The following UGT2B17 variants were observed in gnomAD, a reference collection of about 807,000 sequenced individuals.
UGT2B17 encodes UDP glucuronosyltransferase family 2 member B17.
In UGT2B17, 21 loss-of-function variants were observed where a neutral mutation model predicts 48.2. That is an observed-to-expected ratio of 0.44 (90% confidence interval 0.31 to 0.63). The LOEUF is 0.63. Ranked by LOEUF, UGT2B17 falls within the 20% of genes least tolerant of loss-of-function variation. The pLI, the probability that UGT2B17 is intolerant of heterozygous loss-of-function variation, is 0.08. For synonymous variants in UGT2B17, 146 were observed against 238.4 expected (o/e 0.61, Z 3.57); for missense variants, 402 against 696.1 (o/e 0.58, Z 4.75).
intron 6 of UGT2B17, among the ~76,000 whole-genome samples, chr4:68,541,205 T>C (rs1260218674): frequency 7.9e-6 from 1 of 125,940 alleles, no homozygotes; most frequent in Non-Finnish European, 1.7e-5. Flanking sequence ...TGGTTCTAGA[T>C]CTTTGAGGAA....
rs1274690472 is a variant in UGT2B17, at chr4:68,546,228, T to C, written c.1313+4449A>G. On this transcript the variant is annotated intron_variant, in intron 6 of 6. Transcript: ENST00000317746. The stretch of plus-strand genomic sequence containing the variant: ...AGCACATCAAAAAGCTTATCCACCT[T>C]GACCAAGTGGGCTTCATCCCTGGGA... 2.4e-5 allele frequency among the ~76,000 whole-genome samples: 3 copies of C among 125,848 alleles called. 1 individual carries two copies. 82.6% of individuals were successfully genotyped at this position (125,848 alleles called of 152,430 possible). A position where few individuals can be genotyped will look rare whatever the true frequency, so the allele number is the denominator to read the frequency against.
chr4:68,562,022 A>C lies in UGT2B17; in HGVS notation c.874-1354T>G, dbSNP rs1398330794. On this transcript the variant is annotated intron_variant, in intron 3 of 6. Transcript: ENST00000317746. Reference sequence around the variant, plus strand: ...TTATAAAACTGTTTACGAATAAAAAAGGAAATTCTAAAATATGTCAATTCA... The same window carrying C: ...TTATAAAACTGTTTACGAATAAAAACGGAAATTCTAAAATATGTCAATTCA... Among the ~76,000 whole-genome samples the C allele has an allele frequency of 1.7e-4, 22 of 125,930 alleles. 4 individuals carry two copies. Among genetic ancestry groups the C allele is most frequent in the African/African-American group, 5.9e-4 (22 of 37,116 alleles). 82.6% of individuals were successfully genotyped at this position (125,930 alleles called of 152,430 possible). A position where few individuals can be genotyped will look rare whatever the true frequency, so the allele number is the denominator to read the frequency against.
chr4:68,539,753 C>T lies in UGT2B17; in HGVS notation c.1314-1849G>A, dbSNP rs111422071. 1.2e-4 allele frequency among the ~76,000 whole-genome samples: 14 copies of T among 115,916 alleles called. 3 individuals carry two copies. The highest frequency in any genetic ancestry group is 4.1e-4 in the African/African-American group (14 of 33,978). 76.0% of individuals were successfully genotyped at this position (115,916 alleles called of 152,430 possible). A position where few individuals can be genotyped will look rare whatever the true frequency, so the allele number is the denominator to read the frequency against. ...ATTTTTTTATGGCCCAGCATATGGT[C>T]AATTCCAGTAACTATTTCATACATA... On this transcript the variant is annotated intron_variant, in intron 6 of 6. Transcript: ENST00000317746.
intron 6 of UGT2B17, among the ~76,000 whole-genome samples, chr4:68,544,471 T>C (rs1730753820): frequency 8.0e-6 from 1 of 125,698 alleles, no homozygotes; most frequent in Admixed American, 8.1e-5. Context: ...GAACAACTGG[T>C]ACCAGCCACT....
At chr4:68,548,276 G>A (rs1257437529) in intron 6 of UGT2B17, among the ~76,000 whole-genome samples, 2 of 125,472 alleles carry the variant, frequency 1.6e-5, no homozygotes, top group African/African-American at 2.7e-5. Flanking sequence ...TCCTTTGCAG[G>A]GACATGGATG....
chr4:68,564,779 C>T (rs1391468549), intron 3 of UGT2B17, among the ~76,000 whole-genome samples: 1 of 125,580 alleles, frequency 8.0e-6, no homozygotes, highest in African/African-American at 2.7e-5. Context: ...CAGCTCACTG[C>T]AGCCTCTGCC....
intron 1 of UGT2B17, among the ~76,000 whole-genome samples, chr4:68,575,303 T>A (rs1365207093): frequency 1.7e-5 from 2 of 120,532 alleles, no homozygotes; most frequent in African/African-American, 5.7e-5. Flanking sequence ...CAGCTGTAAC[T>A]GTCTATGTAC....
Position 68,551,878 on chromosome 4 carries a change from T to A in UGT2B17, c.1039A>T (p.Thr347Ser), listed in dbSNP as rs1161340296. The A allele has an allele frequency of 1.5e-6, 2 of 1,365,952 alleles. 1 individual carries two copies. The highest frequency in any genetic ancestry group is 3.0e-5 in the African/African-American group (2 of 67,602). The allele number at this position is 1,365,952 out of a possible 1,614,324, so 84.6% of individuals were successfully genotyped here. The change falls in exon 5 of 7, where the codon ACT becomes TCT. Residue 347 changes from threonine to serine, a missense_variant. Coordinates refer to ENST00000317746, the MANE Select transcript of UGT2B17 (RefSeq NM_001077.4). ...LWRFDGKKPNTLGSNTRLYKW... is the reference protein window; with the variant it reads ...LWRFDGKKPNSLGSNTRLYKW... ...TACAGTCGAGTATTGGAACCTAAAGTATTTGGCTTCTTGCCATCAAATCTC... is the reference window on the plus strand; with the variant it reads ...TACAGTCGAGTATTGGAACCTAAAGAATTTGGCTTCTTGCCATCAAATCTC...
rs764135989 is a variant in UGT2B17 at position 68,565,543 on chromosome 4, G to A, written c.873+29C>T. On this transcript the variant is annotated intron_variant, in intron 3 of 6. Transcript: ENST00000317746. ...CAGCCATTCCTTCTGAAAATGTCAA[G>A]CAAACAAATGAAACAAGAATATGTT... 5.4e-5 allele frequency: 72 copies of A among 1,342,838 alleles called. 18 individuals carry two copies. Among genetic ancestry groups the A allele is most frequent in the Non-Finnish European group, 6.1e-5 (63 of 1,036,972 alleles). 83.2% of individuals were successfully genotyped at this position (1,342,838 alleles called of 1,614,324 possible). A position where few individuals can be genotyped will look rare whatever the true frequency, so the allele number is the denominator to read the frequency against.
chr4:68,571,666 A>G (rs1334714618), intron 1 of UGT2B17, among the ~76,000 whole-genome samples: 1 of 126,554 alleles, frequency 7.9e-6, no homozygotes, highest in Non-Finnish European at 1.7e-5. Flanking sequence ...CTGGGAATTC[A>G]TCAGGAAATG....
At chr4:68,544,603 T>C (rs1380304351) in intron 6 of UGT2B17, among the ~76,000 whole-genome samples, 3 of 125,364 alleles carry the variant, frequency 2.4e-5, no homozygotes, top group Non-Finnish European at 3.4e-5. Flanking sequence ...AATATTAACC[T>C]TAAATGTAAA....
Position 68,537,856 on chromosome 4 carries a change from C to T in UGT2B17, c.1362G>A (p.Pro454=), listed in dbSNP as rs746870450. The change falls in exon 7 of 7, where the codon CCG becomes CCA. Residue 454 remains proline, a synonymous_variant. Coordinates refer to ENST00000317746, the MANE Select transcript of UGT2B17 (RefSeq NM_001077.4). ...MKLSRIHHDQ[P]VKPLDRAVFW... The stretch of plus-strand genomic sequence containing the variant: ...AGACTGCTCGATCCAGGGGCTTCAC[C>T]GGTTGATCATGATGAATTCTTGATA... 28 of 1,375,248 alleles carry T rather than the reference C, an allele frequency of 2.0e-5. 8 individuals are homozygous for T. The Admixed American group carries it at 2.4e-4, about 12-fold the overall frequency. 85.2% of individuals were successfully genotyped at this position (1,375,248 alleles called of 1,614,324 possible). A position where few individuals can be genotyped will look rare whatever the true frequency, so the allele number is the denominator to read the frequency against.
rs571639324 is a variant in UGT2B17 at position 68,543,219 on chromosome 4, G to A, written c.1314-5315C>T. On this transcript the variant is annotated intron_variant, in intron 6 of 6. Coordinates refer to ENST00000317746, the MANE Select transcript of UGT2B17 (RefSeq NM_001077.4). ...GGGCAGACTGACACCTCACACAGCC[G>A]GGTACTCCTCTGAGAAAACTTCCAG... Among the ~76,000 whole-genome samples, 20 of 125,162 alleles carry A rather than the reference G, an allele frequency of 1.6e-4. 4 individuals are homozygous for A. Among genetic ancestry groups the A allele is most frequent in the Admixed American group, 2.5e-4 (3 of 12,230 alleles). 82.1% of individuals were successfully genotyped at this position (125,162 alleles called of 152,430 possible).
intron 6 of UGT2B17, among the ~76,000 whole-genome samples, chr4:68,546,240 C>A (rs1330474309): frequency 1.6e-5 from 2 of 126,156 alleles, no homozygotes; most frequent in Admixed American, 1.6e-4. Flanking sequence ...ACCAAGTGGG[C>A]TTCATCCCTG....
At chr4:68,559,422 A>G (rs1246564682) in intron 4 of UGT2B17, among the ~76,000 whole-genome samples, 1 of 126,178 alleles carries the variant, frequency 7.9e-6, no homozygotes, top group Non-Finnish European at 1.7e-5. Flanking sequence ...GATCTTTCAC[A>G]CTTAGATGAT....
rs1435744784 is a variant in UGT2B17, at chr4:68,540,315, G to A, written c.1314-2411C>T. Among the ~76,000 whole-genome samples the A allele has an allele frequency of 4.7e-5, 6 of 126,360 alleles. 1 individual carries two copies. The highest frequency in any genetic ancestry group is 8.4e-5 in the Non-Finnish European group (5 of 59,496). 82.9% of individuals were successfully genotyped at this position (126,360 alleles called of 152,430 possible). A position where few individuals can be genotyped will look rare whatever the true frequency, so the allele number is the denominator to read the frequency against. ...CTGTTTAAATTTAATGCGAGTACTGGTAGGTTCACTTTTTTGTTGTGATCT... is the reference window on the plus strand; with the variant it reads ...CTGTTTAAATTTAATGCGAGTACTGATAGGTTCACTTTTTTGTTGTGATCT... On this transcript the variant is annotated intron_variant, in intron 6 of 6. Coordinates refer to ENST00000317746, the MANE Select transcript of UGT2B17 (RefSeq NM_001077.4).
In UGT2B17 at chr4:68,554,893, A is replaced by G. The variant is rs1307877423; in HGVS notation, c.1006-2982T>C. Among the ~76,000 whole-genome samples, 89 of 125,528 alleles carry G rather than the reference A, an allele frequency of 7.1e-4. 24 individuals are homozygous for G. The highest frequency in any genetic ancestry group is 6.7e-3 in the Admixed American group (81 of 12,110). 82.4% of individuals were successfully genotyped at this position (125,528 alleles called of 152,430 possible). On this transcript the variant is annotated intron_variant, in intron 4 of 6. Transcript: ENST00000317746. ...CAAAGAGGAGTTTTTATAAACCTGT[A>G]AGATGTACTTCTGTTGGCATGCTTA...
intron 6 of UGT2B17, among the ~76,000 whole-genome samples, chr4:68,541,072 T>C (rs1730646721): frequency 7.9e-6 from 1 of 126,164 alleles, no homozygotes; most frequent in African/African-American, 2.7e-5. Flanking sequence ...GTTGGTTCCA[T>C]ATCTTTGATA....
intron 6 of UGT2B17, 88 bp downstream of exon 6, chr4:68,550,589 T>C: frequency 9.0e-6 from 9 of 1,002,500 alleles, no homozygotes; most frequent in Non-Finnish European, 1.2e-5. Flanking sequence ...CCTTCAAAAT[T>C]AGTCTCTTAA....
Sources: gnomAD v4.1 joint callset for allele counts (sites outside exome capture counted in the v4.1 genomes callset) on GRCh38, gnomAD v4.1.1 for gene constraint, MANE v1.5 for transcripts, NCBI Gene and HGNC (gene_info 2026-07-23, HGNC 2026-07-21) for gene names.